Variants in OSBP2 observed in about 807,000 individuals in gnomAD.
OSBP2 encodes oxysterol-binding protein 2.
OSBP2 carries 66 observed loss-of-function variants against 96.0 expected under a neutral mutation model. The ratio of observed to expected loss-of-function variants is 0.69; its 90% CI spans 0.56 to 0.84. The LOEUF is 0.84. Ranked by LOEUF, OSBP2 falls within the 40% of genes least tolerant of loss-of-function variation. The probability of loss-of-function intolerance (pLI) is 0.00; values close to 1 mark genes in which losing one functional copy is unlikely to be tolerated. For synonymous variants in OSBP2, 525 were observed against 520.9 expected (o/e 1.01, Z -0.11); for missense variants, 1,038 against 1,222.7 (o/e 0.85, Z 2.25).
intron 2 of OSBP2, among the ~76,000 whole-genome samples, chr22:30,788,998 C>A (rs2090636013): frequency 6.6e-6 from 1 of 152,156 alleles, no homozygotes; most frequent in Non-Finnish European, 1.5e-5. Flanking sequence ...CAAGCGTGAG[C>A]CACCACACCT....
In OSBP2 at chr22:30,823,899, C is replaced by T. The variant is rs143300288; in HGVS notation, c.854-46530C>T. Among the ~76,000 whole-genome samples the T allele has an allele frequency of 1.9e-3, 288 of 152,276 alleles. 1 individual carries two copies. The highest frequency in any genetic ancestry group is 6.3e-3 in the African/African-American group (261 of 41,566). The stretch of plus-strand genomic sequence containing the variant: ...TTCTAAAGTAGTTATGTTCTTTACG[C>T]GAAATTTAAATGATGTTTCTGTCAT... On this transcript the variant is annotated intron_variant, in intron 2 of 13. Coordinates refer to ENST00000332585, the MANE Select transcript of OSBP2 (RefSeq NM_030758.4).
chr22:30,847,253 C>T (rs1204781578), intron 2 of OSBP2, among the ~76,000 whole-genome samples: 6 of 151,700 alleles, frequency 4.0e-5, no homozygotes, highest in Non-Finnish European at 8.8e-5. Flanking sequence ...GCTGGAATTA[C>T]AGGCCTGAGG....
At chr22:30,882,117 C>T (rs2039715896) in intron 3 of OSBP2, among the ~76,000 whole-genome samples, 1 of 152,212 alleles carries the variant, frequency 6.6e-6, no homozygotes, top group Non-Finnish European at 1.5e-5. Context: ...AGTGTATCAG[C>T]CAGCAACCCT....
At chr22:30,888,488 A>G in intron 5 of OSBP2, 148 bp downstream of exon 5, 1 of 653,670 alleles carries the variant, frequency 1.5e-6, no homozygotes, top group East Asian at 2.6e-5. Context: ...GCACTTTGGG[A>G]GGCCAAGGGT....
At chr22:30,712,846 G>T (rs2089376104) in intron 1 of OSBP2, among the ~76,000 whole-genome samples, 1 of 152,030 alleles carries the variant, frequency 6.6e-6, no homozygotes, top group Non-Finnish European at 1.5e-5. Flanking sequence ...CCCTCTATGT[G>T]CCAGGCCTGC....
intron 3 of OSBP2, among the ~76,000 whole-genome samples, chr22:30,875,014 G>A (rs185842746): frequency 2.0e-5 from 3 of 152,310 alleles, no homozygotes; most frequent in East Asian, 1.9e-4. Flanking sequence ...CAGTAGCTCC[G>A]TGGGAGTGCC....
chr22:30,735,782 G>A (rs2089845472), intron 1 of OSBP2, among the ~76,000 whole-genome samples: 2 of 152,026 alleles, frequency 1.3e-5, no homozygotes, highest in African/African-American at 4.8e-5. Context: ...GAGTGCAGTG[G>A]CATGATCTCG....
At chr22:30,833,099 T>C (rs924634682) in intron 2 of OSBP2, among the ~76,000 whole-genome samples, 1 of 152,184 alleles carries the variant, frequency 6.6e-6, no homozygotes, top group African/African-American at 2.4e-5. Context: ...GAAAATGTTA[T>C]AGCCATAGAA....
chr22:30,701,656 T>C (rs2089165895), intron 1 of OSBP2, among the ~76,000 whole-genome samples: 1 of 152,174 alleles, frequency 6.6e-6, no homozygotes, highest in Non-Finnish European at 1.5e-5. Flanking sequence ...AATGTCAATT[T>C]TGATAATACT....
chr22:30,783,065 C>CTTTTT (rs567123014), intron 2 of OSBP2, among the ~76,000 whole-genome samples: 6 of 104,124 alleles, frequency 5.8e-5, no homozygotes, highest in Middle Eastern at 5.6e-3. Context: ...GAACCTGTGG[C>CTTTTT]TTTTTTTTTT....
chr22:30,805,004 T>C (rs2090907989), intron 2 of OSBP2, among the ~76,000 whole-genome samples: 1 of 152,234 alleles, frequency 6.6e-6, no homozygotes, highest in South Asian at 2.1e-4. Context: ...TGGTTGAGAT[T>C]GATCTATCTA....
Position 30,695,471 on chromosome 22 carries a change from T to A in OSBP2, c.562T>A (p.Trp188Arg). 1 of 1,613,514 alleles carries A rather than the reference T, an allele frequency of 6.2e-7. No homozygotes were observed. Among genetic ancestry groups the A allele is most frequent in the Non-Finnish European group, 8.5e-7 (1 of 1,180,036 alleles). ...ACTGCCTCTGGACAGCTTCGAGGGC[T>A]GGCTTCTCAAGTGGACCAACTATCT... ...ALLPLDSFEG[W>R]LLKWTNYLKG... The change falls in exon 1 of 14, where the codon TGG becomes AGG. Residue 188 changes from tryptophan to arginine, a missense_variant. Trp to Arg is a moderately radical substitution (Grantham distance 101). This residue lies in a region of OSBP2 where 281 missense variants were observed against 273.4 expected (regional missense o/e 1.03). Transcript: ENST00000332585.
At position 30,881,723 on chromosome 22, in the gene OSBP2, C is replaced by T. The variant is rs1050667503; in HGVS notation, c.1108-5703C>T. ...AGGGCCACGCCAGGCGCCTGCCTCT[C>T]CCCACAGCACAGCCAGGATGGGGCC... On this transcript the variant is annotated intron_variant, in intron 3 of 13. Transcript: ENST00000332585. This position sits in a 1 kb window ranked among gnomAD's most constrained non-coding sequence, Gnocchi z 4.5. The T allele has an allele frequency of 2.3e-6, 3 of 1,303,992 alleles. No individual in the cohort carries two copies. In the African/African-American group the frequency reaches 4.6e-5, roughly 20 times the overall value. 80.8% of individuals were successfully genotyped at this position (1,303,992 alleles called of 1,614,324 possible). A position where few individuals can be genotyped will look rare whatever the true frequency, so the allele number is the denominator to read the frequency against.
chr22:30,708,478 ATTTTTTTTTTTTT>A (rs56361178), intron 1 of OSBP2, among the ~76,000 whole-genome samples: 1 of 63,458 alleles, frequency 1.6e-5, no homozygotes, highest in Non-Finnish European at 2.7e-5. Context: ...AAGGATAAGG[ATTTTTTTTTTTTT>A]TTTTTTTTTT....
At chr22:30,892,685 G>A (rs2039974892) in intron 8 of OSBP2, among the ~76,000 whole-genome samples, 2 of 152,118 alleles carry the variant, frequency 1.3e-5, no homozygotes, top group Admixed American at 1.3e-4. Context: ...GGGCCCGACT[G>A]CCCCTTGGCT....
chr22:30,816,133 A>G (rs1046824120), intron 2 of OSBP2, among the ~76,000 whole-genome samples: 3 of 152,210 alleles, frequency 2.0e-5, no homozygotes, highest in Non-Finnish European at 4.4e-5. Context: ...ATTAAAAAAA[A>G]ATAAAAAGTT....
At position 30,762,221 on chromosome 22, in the gene OSBP2, CAAAAAAT is replaced by C. The variant is rs1257245615; in HGVS notation, c.853+20871_853+20877del. Among the ~76,000 whole-genome samples the C allele has an allele frequency of 3.7e-4, 56 of 150,648 alleles. 1 individual carries two copies. The highest frequency in any genetic ancestry group is 1.8e-3 in the Admixed American group (27 of 15,070). On this transcript the variant is annotated intron_variant, in intron 2 of 13. Coordinates refer to ENST00000332585, the MANE Select transcript of OSBP2 (RefSeq NM_030758.4). ...TGGGTGACAGAGTGAGACTCCATCT[CAAAAAAT>C]AAAAAATAAAAAATAAAATAAAAAT...
chr22:30,857,549 A>G (rs1413108995), intron 2 of OSBP2, among the ~76,000 whole-genome samples: 1 of 152,216 alleles, frequency 6.6e-6, no homozygotes, highest in East Asian at 1.9e-4. Context: ...GCTTTTCTCT[A>G]CAGAGCATTT....
chr22:30,906,574 T>G lies in OSBP2; in HGVS notation c.*235T>G. On this transcript the variant is annotated 3_prime_UTR_variant, in exon 14 of 14. Coordinates refer to ENST00000332585, the MANE Select transcript of OSBP2 (RefSeq NM_030758.4). ...CGCCGGGTCACCCGTGCCCCTTCAT[T>G]ATGGACCTGGGCCCTACCGGAACCC... The G allele has an allele frequency of 2.3e-6, 1 of 438,694 alleles. No individual in the cohort carries two copies. The highest frequency in any genetic ancestry group is 3.9e-6 in the Non-Finnish European group (1 of 253,258). 27.2% of individuals were successfully genotyped at this position (438,694 alleles called of 1,614,324 possible).
Sources: allele counts gnomAD v4.1 joint callset (sites outside exome capture counted in the v4.1 genomes callset), GRCh38; gene constraint gnomAD v4.1.1; regional missense constraint gnomAD v4.1.1; non-coding constraint Gnocchi (gnomAD v3.1); transcripts MANE v1.5; gene names NCBI Gene and HGNC (gene_info 2026-07-23, HGNC 2026-07-21).